M1AP: variants seen among roughly 807,000 people sequenced by gnomAD.
M1AP encodes the protein meiosis 1 arrest protein.
A neutral mutation model predicts 51.2 loss-of-function variants in M1AP; 39 were observed. The ratio of observed to expected loss-of-function variants is 0.76; its 90% confidence interval spans 0.59 to 1.00. The LOEUF is 1.00. Ranked by LOEUF, M1AP falls within the 50% of genes least tolerant of loss-of-function variation. The pLI, the probability that M1AP is intolerant of heterozygous loss-of-function variation, is 0.00. For missense variants in M1AP, 545 were observed against 641.2 expected, an observed-to-expected ratio of 0.85 and a Z score of 1.62; for synonymous variants, 251 against 249.2, an observed-to-expected ratio of 1.01 and a Z score of -0.07.
chr2:74,613,301 C>T (rs1195237475), intron 3 of M1AP, among the ~76,000 whole-genome samples: 1 of 152,178 alleles, frequency 6.6e-6, no homozygotes, highest in Non-Finnish European at 1.5e-5. Flanking sequence ...GCTGTCTCTT[C>T]AAACTGTGTT....
At chr2:74,623,281 A>C (rs1573166898) in intron 2 of M1AP, among the ~76,000 whole-genome samples, 2 of 152,148 alleles carry the variant, frequency 1.3e-5, no homozygotes, top group Non-Finnish European at 1.5e-5. Context: ...AGGTGGACAG[A>C]CTGCTTGAGC....
rs772489796 is a variant in M1AP at position 74,558,710 on chromosome 2, G to A, written c.*6C>T. The A allele has an allele frequency of 6.2e-7, 1 of 1,611,502 alleles. No individual in the cohort carries two copies. The highest frequency in any genetic ancestry group is 8.5e-7 in the Non-Finnish European group (1 of 1,178,990). Reference sequence around the variant, plus strand: ...AGCTGGGCAGCTGGGCTCTGGTGCTGGTGACTTAGGGCCTTGAGGGATCCT... The same window carrying A: ...AGCTGGGCAGCTGGGCTCTGGTGCTAGTGACTTAGGGCCTTGAGGGATCCT... On this transcript the variant is annotated 3_prime_UTR_variant, in exon 11 of 11. Coordinates refer to ENST00000421985, the MANE Select transcript of M1AP (RefSeq NM_001321739.2).
intron 2 of M1AP, among the ~76,000 whole-genome samples, chr2:74,623,072 G>A (rs1376870628): frequency 6.6e-6 from 1 of 151,336 alleles, no homozygotes; most frequent in African/African-American, 2.4e-5. Context: ...ATAATAATAA[G>A]GTCAGTAATT....
chr2:74,640,332 AG>A lies in M1AP; in HGVS notation c.-52-6del. On this transcript the variant is annotated splice_region_variant and splice_polypyrimidine_tract_variant and intron_variant, in intron 1 of 10. Transcript: ENST00000421985. Reference sequence around the variant, plus strand: ...CCAGCTGGATATTCTTTACACCTATAGGGAAGGAAAGAGAAACCACTGGTTT... The same window carrying A: ...CCAGCTGGATATTCTTTACACCTATAGGAAGGAAAGAGAAACCACTGGTTT... The A allele has an allele frequency of 6.3e-7, 1 of 1,578,106 alleles. No individual in the cohort carries two copies. The highest frequency in any genetic ancestry group is 1.9e-5 in the Admixed American group (1 of 53,110).
intron 3 of M1AP, among the ~76,000 whole-genome samples, chr2:74,614,334 C>T (rs1224326262): frequency 6.6e-6 from 1 of 152,198 alleles, no homozygotes; most frequent in African/African-American, 2.4e-5. Flanking sequence ...GGAGTGGCAA[C>T]TTCCAAGCTC....
chr2:74,598,621 C>CTTTTTT (rs534856535), intron 4 of M1AP, among the ~76,000 whole-genome samples: 1 of 114,400 alleles, frequency 8.7e-6, no homozygotes, highest in South Asian at 2.7e-4. Context: ...TGTATATCAA[C>CTTTTTT]TTTTTTTTTT....
Position 74,590,415 on chromosome 2 carries a change from T to C in M1AP, c.596-8568A>G, listed in dbSNP as rs1382539918. On this transcript the variant is annotated intron_variant, in intron 4 of 10. Coordinates refer to ENST00000421985, the MANE Select transcript of M1AP (RefSeq NM_001321739.2). Reference sequence around the variant, plus strand: ...CCTCCTAATACTATCTATTTGGTGATTAGATTTCAAAGATGAATTTTAGGG... The same window carrying C: ...CCTCCTAATACTATCTATTTGGTGACTAGATTTCAAAGATGAATTTTAGGG... 1.5e-4 allele frequency among the ~76,000 whole-genome samples: 22 copies of C among 151,602 alleles called. 1 individual carries two copies. The highest frequency in any genetic ancestry group is 1.4e-3 in the Admixed American group (22 of 15,202).
chr2:74,611,887 T>TTG (rs1415926354), intron 3 of M1AP, among the ~76,000 whole-genome samples: 3 of 66,786 alleles, frequency 4.5e-5, no homozygotes, highest in Non-Finnish European at 9.2e-5. Flanking sequence ...AAAGTGTTTT[T>TTG]TTTTTTTTTT....
At chr2:74,564,179 C>T (rs1678222483) in intron 7 of M1AP, among the ~76,000 whole-genome samples, 1 of 152,206 alleles carries the variant, frequency 6.6e-6, no homozygotes, top group Non-Finnish European at 1.5e-5. Flanking sequence ...GAAAGTGACA[C>T]AGTGAGACAG....
rs145990577 is a variant in M1AP at position 74,583,777 on chromosome 2, G to A, written c.596-1930C>T. On this transcript the variant is annotated intron_variant, in intron 4 of 10. Transcript: ENST00000421985. ...GGCAGACTTTCCACAGGGAACAAAG[G>A]GGCTTCAGTCCAACATACTTGTTCC... Among the ~76,000 whole-genome samples the A allele has an allele frequency of 5.2e-4, 79 of 152,232 alleles. 1 individual carries two copies. The highest frequency in any genetic ancestry group is 1.8e-3 in the African/African-American group (75 of 41,536).
intron 5 of M1AP, among the ~76,000 whole-genome samples, chr2:74,577,573 T>C (rs962756885): frequency 1.3e-5 from 2 of 152,030 alleles, no homozygotes; most frequent in African/African-American, 2.4e-5. Context: ...TAGAAAAAAA[T>C]AGAGTGGCAG....
intron 1 of M1AP, among the ~76,000 whole-genome samples, chr2:74,644,394 C>T (rs926094997): frequency 2.6e-5 from 4 of 151,972 alleles, no homozygotes; most frequent in Admixed American, 1.3e-4. Flanking sequence ...AAAAATTAGC[C>T]GGGCGTGGTA....
Position 74,558,468 on chromosome 2 carries a change from A to C in M1AP, c.*248T>G, listed in dbSNP as rs1032805369. 16 of 473,550 alleles carry C rather than the reference A, an allele frequency of 3.4e-5. No homozygotes were observed. The highest frequency in any genetic ancestry group is 4.8e-5 in the Non-Finnish European group (13 of 271,500). 29.3% of individuals were successfully genotyped at this position (473,550 alleles called of 1,614,324 possible). A position where few individuals can be genotyped will look rare whatever the true frequency, so the allele number is the denominator to read the frequency against. Reference sequence around the variant, plus strand: ...CTGGGTGTTTAATCTTCACCTGTGTAAACAGTAGCAAATGATTCTAAAGAA... The same window carrying C: ...CTGGGTGTTTAATCTTCACCTGTGTCAACAGTAGCAAATGATTCTAAAGAA... On this transcript the variant is annotated 3_prime_UTR_variant, in exon 11 of 11. Transcript: ENST00000421985.
chr2:74,611,659 G>A (rs1231249224), intron 3 of M1AP, among the ~76,000 whole-genome samples: 2 of 151,314 alleles, frequency 1.3e-5, no homozygotes, highest in East Asian at 2.0e-4. Context: ...ATGGAGAAAC[G>A]CCATCTCTAC....
Position 74,576,488 on chromosome 2 carries a change from T to C in M1AP, c.900A>G (p.Ser300=). The change falls in exon 6 of 11, where the codon TCA becomes TCG. Residue 300 remains serine, a synonymous_variant. Transcript: ENST00000421985. Reference sequence around the variant, plus strand: ...CTTGGAGCTTGTAATGAGAGGCCGATGACTGGGAAGCCATCTGGTAGAGTG... The same window carrying C: ...CTTGGAGCTTGTAATGAGAGGCCGACGACTGGGAAGCCATCTGGTAGAGTG... The part of the protein sequence containing the change: ...FITLYQMASQ[S]SASHYKLQVI... 2 of 1,614,024 alleles carry C rather than the reference T, an allele frequency of 1.2e-6. No homozygotes were observed. The highest frequency in any genetic ancestry group is 1.7e-6 in the Non-Finnish European group (2 of 1,179,994).
intron 4 of M1AP, among the ~76,000 whole-genome samples, chr2:74,587,002 CAAAA>C (rs1190251502): frequency 1.0e-5 from 1 of 96,078 alleles, no homozygotes. Flanking sequence ...AACTCCATTT[CAAAA>C]AAAAAAAAAA....
chr2:74,561,199 AAGG>A (rs770407711), intron 8 of M1AP, among the ~76,000 whole-genome samples: 6,630 of 32,274 alleles, frequency 0.21, 34 homozygotes, highest in East Asian at 0.34. Flanking sequence ...GGAGGAGGAG[AAGG>A]AGGAGGAGGA....
At chr2:74,603,096 T>C (rs751315386) in intron 4 of M1AP, among the ~76,000 whole-genome samples, 1 of 152,208 alleles carries the variant, frequency 6.6e-6, no homozygotes, top group Non-Finnish European at 1.5e-5. Flanking sequence ...GGGCTCTGAC[T>C]GGTGGCCTAG....
intron 1 of M1AP, among the ~76,000 whole-genome samples, chr2:74,641,218 G>A (rs1297984477): frequency 2.0e-5 from 3 of 152,126 alleles, no homozygotes; most frequent in East Asian, 1.9e-4. Flanking sequence ...AGATTTTCAC[G>A]GAAACAATAC....
Sources: gnomAD v4.1 joint callset for allele counts (sites outside exome capture counted in the v4.1 genomes callset) on GRCh38, gnomAD v4.1.1 for gene constraint, MANE v1.5 for transcripts, NCBI Gene and HGNC (gene_info 2026-07-23, HGNC 2026-07-21) for gene names.